The following PCSK5 variants were observed in gnomAD, a reference collection of about 807,000 sequenced individuals.
The protein encoded by PCSK5 is prohormone convertase 5.
PCSK5 carries 129 observed loss-of-function variants against 233.2 expected under a neutral mutation model. The ratio of observed to expected loss-of-function variants is 0.55; its 90% confidence interval spans 0.48 to 0.64. The LOEUF is 0.64. Among genes scored for constraint, PCSK5 ranks in the 30% least tolerant of loss-of-function variants. PCSK5 has a pLI of 0.00. For missense variants in PCSK5, 2,076 were observed against 2,430.1 expected, an observed-to-expected ratio of 0.85 and a Z score of 3.06; for synonymous variants, 825 against 879.2, an observed-to-expected ratio of 0.94 and a Z score of 1.09.
At chr9:76,270,056 A>G (rs1353306796) in intron 24 of PCSK5, among the ~76,000 whole-genome samples, 1 of 151,980 alleles carries the variant, frequency 6.6e-6, no homozygotes, top group African/African-American at 2.4e-5. Context: ...TTTAAAGTGA[A>G]TCACACAGGA....
At chr9:75,909,861 T>C (rs541078563) in intron 1 of PCSK5, among the ~76,000 whole-genome samples, 20 of 152,202 alleles carry the variant, frequency 1.3e-4, no homozygotes, top group Non-Finnish European at 2.9e-4. Context: ...CTATATTTGG[T>C]GTTGAGCATG....
At chr9:75,986,339 C>T (rs938284034) in intron 3 of PCSK5, 94 bp downstream of exon 3, 1 of 760,436 alleles carries the variant, frequency 1.3e-6, no homozygotes, top group Non-Finnish European at 2.4e-6. Flanking sequence ...CACAGAAATA[C>T]TGACCAGGGA....
chr9:76,168,011 C>A (rs1483514071), intron 12 of PCSK5, among the ~76,000 whole-genome samples: 2 of 152,114 alleles, frequency 1.3e-5, no homozygotes, highest in Admixed American at 1.3e-4. Context: ...AGATGAACAT[C>A]ATTTTTTAAA....
rs993472287 is a variant in PCSK5 at position 76,142,851 on chromosome 9, C to T, written c.1312+8639C>T. On this transcript the variant is annotated intron_variant, in intron 10 of 37. Coordinates refer to ENST00000674117, the MANE Select transcript of PCSK5 (RefSeq NM_001372043.1). Reference sequence around the variant, plus strand: ...TTTTCTCTTCTTTGTAGTCTGTTTTCTCTAATTTGGGCTATTGTTTTCATT... The same window carrying T: ...TTTTCTCTTCTTTGTAGTCTGTTTTTTCTAATTTGGGCTATTGTTTTCATT... Among the ~76,000 whole-genome samples the T allele has an allele frequency of 3.3e-5, 5 of 152,198 alleles. No homozygotes were observed. The East Asian group carries it at 5.8e-4, about 18-fold the overall frequency.
At chr9:76,249,337 A>C (rs943018127) in intron 24 of PCSK5, among the ~76,000 whole-genome samples, 1 of 152,226 alleles carries the variant, frequency 6.6e-6, no homozygotes, top group Non-Finnish European at 1.5e-5. Flanking sequence ...TCACAAGATA[A>C]ATCAAGAATG....
At chr9:76,020,717 G>A (rs7855556) in intron 3 of PCSK5, among the ~76,000 whole-genome samples, 2,516 of 152,246 alleles carry the variant, frequency 0.017, 40 homozygotes, top group South Asian at 0.066. Context: ...CTTTTAACAC[G>A]CATGTTTTCC....
chr9:76,097,967 G>A (rs1341222298), intron 8 of PCSK5, among the ~76,000 whole-genome samples: 1 of 152,116 alleles, frequency 6.6e-6, no homozygotes, highest in Non-Finnish European at 1.5e-5. Context: ...CCTGCTTCTG[G>A]CTCTAACAGA....
chr9:75,996,832 T>TTTA (rs397958043), intron 3 of PCSK5, among the ~76,000 whole-genome samples: 2 of 151,612 alleles, frequency 1.3e-5, no homozygotes, highest in African/African-American at 2.4e-5. Flanking sequence ...TTTTTTTTTT[T>TTTA]ATCAAGATCT....
rs1376549030 is a variant in PCSK5, at chr9:76,323,289, G to T, written c.4339+1G>T. The T allele has an allele frequency of 6.4e-7, 1 of 1,567,306 alleles. No individual in the cohort carries two copies. The highest frequency in any genetic ancestry group is 8.8e-7 in the Non-Finnish European group (1 of 1,139,328). ...GAAAAGGAGACTAAGGAGTGCAGAG[G>T]TAAAGACTTCTGGGATTCAAAATAG... On this transcript the variant is annotated splice_donor_variant, in intron 32 of 37. Coordinates refer to ENST00000674117, the MANE Select transcript of PCSK5 (RefSeq NM_001372043.1). LOFTEE classifies it high-confidence loss of function.
intron 24 of PCSK5, among the ~76,000 whole-genome samples, chr9:76,280,430 G>T (rs1827828891): frequency 6.6e-6 from 1 of 152,148 alleles, no homozygotes; most frequent in African/African-American, 2.4e-5. Context: ...ATTAAGCTTA[G>T]TGAGGAAGGC....
At chr9:76,326,195 T>C (rs1365814596) in intron 32 of PCSK5, among the ~76,000 whole-genome samples, 1 of 152,060 alleles carries the variant, frequency 6.6e-6, no homozygotes, top group African/African-American at 2.4e-5. Flanking sequence ...CTGGGCAACA[T>C]AGCAAGACCC....
At chr9:76,321,228 C>T (rs191976000) in intron 30 of PCSK5, among the ~76,000 whole-genome samples, 194 bp from the exon 31 acceptor site, 140 of 152,248 alleles carry the variant, frequency 9.2e-4, no homozygotes, top group Non-Finnish European at 1.6e-3. Flanking sequence ...ATTTTCCTTT[C>T]ACAAGAATAA....
rs1232586529 is a variant in PCSK5 at position 75,890,901 on chromosome 9, C to T, written c.-281C>T. ...TGCGGAGGACGCCCGCCCCACTCAG[C>T]CTCCTCCTGCGTCCGAGCCGGGGAG... On this transcript the variant is annotated 5_prime_UTR_variant, in exon 1 of 38. Coordinates refer to ENST00000674117, the MANE Select transcript of PCSK5 (RefSeq NM_001372043.1). 1.1e-5 allele frequency: 4 copies of T among 348,904 alleles called. No homozygotes were observed. In the East Asian group the frequency reaches 1.3e-4, roughly 11 times the overall value. 21.6% of individuals were successfully genotyped at this position (348,904 alleles called of 1,614,324 possible).
intron 1 of PCSK5, among the ~76,000 whole-genome samples, chr9:75,913,884 A>G (rs185020094): frequency 7.7e-4 from 118 of 152,328 alleles, no homozygotes; most frequent in Middle Eastern, 3.4e-3. Flanking sequence ...CAAATTATGT[A>G]TATAGAAGTA....
chr9:76,106,894 A>G (rs565622609), intron 8 of PCSK5, among the ~76,000 whole-genome samples: 145 of 152,370 alleles, frequency 9.5e-4, no homozygotes, highest in African/African-American at 3.4e-3. Context: ...TGTTGAGGCA[A>G]GGAAAGAACT....
At chr9:76,175,286 CGAATCGAATA>C (rs770164346) in intron 14 of PCSK5, 157 bp downstream of exon 14, 362 of 542,028 alleles carry the variant, frequency 6.7e-4, no homozygotes, top group South Asian at 1.7e-3. Context: ...CGAATCGAAT[CGAATCGAATA>C]GAATAGAATA....
At position 76,358,532 on chromosome 9, in the gene PCSK5, A is replaced by C; in HGVS notation, c.5274A>C (p.Thr1758=). 6.2e-7 allele frequency: 1 copy of C among 1,610,350 alleles called. No individual in the cohort carries two copies. The highest frequency in any genetic ancestry group is 8.5e-7 in the Non-Finnish European group (1 of 1,177,768). ...QDTTDECILR[T]SKVRPATEHF... ...CAACAGACGAATGCATCCTTCGAACAAGCAAGGTTAGGCCTGCAACTGAGC... is the reference window on the plus strand; with the variant it reads ...CAACAGACGAATGCATCCTTCGAACCAGCAAGGTTAGGCCTGCAACTGAGC... The change falls in exon 38 of 38, where the codon ACA becomes ACC. Residue 1758 remains threonine, a synonymous_variant. Coordinates refer to ENST00000674117, the MANE Select transcript of PCSK5 (RefSeq NM_001372043.1).
intron 27 of PCSK5, 47 bp from the exon 28 acceptor site, chr9:76,302,089 CT>C (rs1485802875): frequency 1.7e-5 from 14 of 843,350 alleles, no homozygotes; most frequent in Non-Finnish European, 2.1e-5. Context: ...CTTCTTTATC[CT>C]TTTTGCATTA....
chr9:76,342,138 A>G (rs1299072767), intron 35 of PCSK5, among the ~76,000 whole-genome samples: 5 of 152,044 alleles, frequency 3.3e-5, no homozygotes. Context: ...CTCTCTTTAT[A>G]TTTATTCTAT....
Sources: allele counts gnomAD v4.1 joint callset (sites outside exome capture counted in the v4.1 genomes callset), GRCh38; gene constraint gnomAD v4.1.1; transcripts MANE v1.5; gene names NCBI Gene and HGNC (gene_info 2026-07-23, HGNC 2026-07-21).